Variants in NAB2 observed in about 807,000 individuals in gnomAD.
NAB2 encodes NGFI-A-binding protein 2.
NAB2 carries 9 observed loss-of-function variants against 44.2 expected under a neutral mutation model. That is an observed-to-expected ratio of 0.20 (90% CI 0.12 to 0.36). The LOEUF is 0.36. NAB2 is among the 10% of genes least tolerant of loss of function. NAB2 has a pLI of 1.00. For missense variants in NAB2, 514 were observed against 709.0 expected (o/e 0.73, Z 3.12); for synonymous variants, 342 against 291.0 (o/e 1.18, Z -1.78).
chr12:57,092,298 C>A, intron 2 of NAB2, 150 bp from the exon 3 acceptor site: 1 of 1,232,538 alleles, frequency 8.1e-7, no homozygotes, highest in Non-Finnish European at 1.1e-6. Flanking sequence ...TCTGTCTTCC[C>A]ACCTCAGAAA....
In NAB2 at chr12:57,093,394, C is replaced by T. The variant is rs745458497; in HGVS notation, c.1277-13C>T. The T allele has an allele frequency of 1.6e-5, 24 of 1,545,096 alleles. No homozygotes were observed. Among genetic ancestry groups the T allele is most frequent in the East Asian group, 2.3e-5 (1 of 43,422 alleles). On this transcript the variant is annotated splice_polypyrimidine_tract_variant and intron_variant, in intron 5 of 6. Transcript: ENST00000300131. ...GCTGCAGCCCCTTACCTGACCAGTG[C>T]CCATGCCCACAGCTGTGGGGTCATG...
chr12:57,089,605 C>G lies in NAB2; in HGVS notation c.83+251C>G, dbSNP rs1052308212. Among the ~76,000 whole-genome samples, 25 of 152,158 alleles carry G rather than the reference C, an allele frequency of 1.6e-4. No individual in the cohort carries two copies. In the South Asian group the frequency reaches 2.1e-3, roughly 13 times the overall value. On this transcript the variant is annotated intron_variant, in intron 1 of 6. Coordinates refer to ENST00000300131, the MANE Select transcript of NAB2 (RefSeq NM_005967.4). ...GGTTTACTCTGTGGGCTCCATCTGG[C>G]CTAAGAGCCCCCTGCAAAGAATGTG...
At chr12:57,089,992 T>A (rs2033149072) in intron 1 of NAB2, among the ~76,000 whole-genome samples, 1 of 152,082 alleles carries the variant, frequency 6.6e-6, no homozygotes, top group Non-Finnish European at 1.5e-5. Flanking sequence ...ACGCTACCAC[T>A]GTGGGAGTGT....
chr12:57,093,434 C>A lies in NAB2; in HGVS notation c.1304C>A (p.Pro435Gln). ...GTGGGGTCATGTCCAAGGCTGACGC[C>A]GCCCCCTGCTGACCTGCCTCTGGCA... is the stretch of plus-strand genomic sequence containing the variant. ...QAVGSCPRLT[P>Q]PPADLPLALP... Residue 435 changes from proline to glutamine, a missense_variant, in exon 6 of 7, where the codon CCG (proline) becomes CAG (glutamine). This residue lies in a region of NAB2 where 194 missense variants were observed against 223.9 expected (regional missense o/e 0.87). Transcript: ENST00000300131. 1 of 1,590,840 alleles carries A rather than the reference C, an allele frequency of 6.3e-7. No individual in the cohort carries two copies. The highest frequency in any genetic ancestry group is 8.6e-7 in the Non-Finnish European group (1 of 1,169,558).
At chr12:57,093,226 A>G (rs776725421) in intron 5 of NAB2, 31 bp downstream of exon 5, 3 of 555,066 alleles carry the variant, frequency 5.4e-6, no homozygotes, top group Admixed American at 2.2e-5. Flanking sequence ...TTTTCTCTTC[A>G]TTGAGGGTGG....
rs757954454 is a variant in NAB2, at chr12:57,091,845, A to G, written c.804A>G (p.Leu268=). 8.1e-6 allele frequency: 13 copies of G among 1,614,094 alleles called. No individual in the cohort carries two copies. Among genetic ancestry groups the G allele is most frequent in the African/African-American group, 1.3e-5 (1 of 74,928 alleles). ...ATGCTGGGGAGGTCACATCCCTGCT[A>G]AAGCTGAATAAGAAGCTGGCACGGA... The part of the protein sequence containing the change: ...RGDAGEVTSL[L]KLNKKLARSV... Residue 268 remains leucine, a synonymous_variant, in exon 2 of 7, where the codon CTA becomes CTG. Transcript: ENST00000300131. This position sits in a 1 kb window ranked among gnomAD's most constrained non-coding sequence, Gnocchi z 7.3.
intron 6 of NAB2, among the ~76,000 whole-genome samples, chr12:57,094,031 A>AGTGGGCC (rs1565674466): frequency 6.6e-6 from 1 of 150,982 alleles, no homozygotes; most frequent in East Asian, 2.0e-4. Context: ...GGGAGTGGGC[A>AGTGGGCC]GGCGGAGGGC....
At position 57,094,861 on chromosome 12, in the gene NAB2, A is replaced by T; in HGVS notation, c.*140A>T. ...CTGCCTCCCCACCTGCTCCATGGGC[A>T]TAAGACTGTGGGGCTTCAAGCAATA... On this transcript the variant is annotated 3_prime_UTR_variant, in exon 7 of 7. Coordinates refer to ENST00000300131, the MANE Select transcript of NAB2 (RefSeq NM_005967.4). 1 of 673,674 alleles carries T rather than the reference A, an allele frequency of 1.5e-6. No homozygotes were observed. 41.7% of individuals were successfully genotyped at this position (673,674 alleles called of 1,614,324 possible).
chr12:57,093,964 CA>C (rs2033264737), intron 6 of NAB2, among the ~76,000 whole-genome samples: 2 of 152,030 alleles, frequency 1.3e-5, no homozygotes, highest in Non-Finnish European at 2.9e-5. Context: ...TGGGGATGCC[CA>C]GCTTGGAAGC....
Position 57,093,541 on chromosome 12 carries a change from T to A in NAB2, c.1411T>A (p.Ser471Thr), listed in dbSNP as rs995005854. ...DEGLRLARLV[S>T]HDRVGRLSPC... ...GGGGCTGCGGCTCGCCCGCCTCGTC[T>A]CCCACGACCGCGTGGGCCGCCTCAG... The change falls in exon 6 of 7, where the codon TCC (serine) becomes ACC (threonine). Residue 471 changes from serine to threonine, a missense_variant. This residue lies in a region of NAB2 where 194 missense variants were observed against 223.9 expected (regional missense o/e 0.87). Transcript: ENST00000300131. The A allele has an allele frequency of 1.9e-6, 3 of 1,553,644 alleles. No homozygotes were observed. Among genetic ancestry groups the A allele is most frequent in the Non-Finnish European group, 1.7e-6 (2 of 1,150,410 alleles).
At chr12:57,090,694 A>G (rs1057065033) in intron 1 of NAB2, among the ~76,000 whole-genome samples, 1 of 152,162 alleles carries the variant, frequency 6.6e-6, no homozygotes, top group Non-Finnish European at 1.5e-5. Context: ...TCACTTTAGT[A>G]TGGGTGACTT....
chr12:57,091,801 C>A lies in NAB2; in HGVS notation c.760C>A (p.Arg254=), dbSNP rs200672078. 1.9e-6 allele frequency: 3 copies of A among 1,614,124 alleles called. No homozygotes were observed. Among genetic ancestry groups the A allele is most frequent in the Non-Finnish European group, 2.5e-6 (3 of 1,179,984 alleles). The change falls in exon 2 of 7, where the codon CGG becomes AGG. Residue 254 remains arginine (R), a synonymous_variant. Coordinates refer to ENST00000300131, the MANE Select transcript of NAB2 (RefSeq NM_005967.4). The surrounding 1 kb of genome is among the most constrained non-coding windows in gnomAD (Gnocchi z 7.3). ...GGTGGAAAGTGTGGAGAGGATCTTC[C>A]GGAGCTTCCCAAGGGGGGATGCTGG... ...MVVESVERIF[R]SFPRGDAGEV...
At position 57,091,524 on chromosome 12, in the gene NAB2, G is replaced by C. The variant is rs756174711; in HGVS notation, c.483G>C (p.Lys161Asn). 2 of 1,613,452 alleles carry C rather than the reference G, an allele frequency of 1.2e-6. No individual in the cohort carries two copies. The highest frequency in any genetic ancestry group is 1.7e-6 in the Non-Finnish European group (2 of 1,179,810). The change falls in exon 2 of 7, where the codon AAG becomes AAC. Residue 161 changes from lysine to asparagine, a missense_variant. Around this residue, in one of 5 missense-constraint regions of NAB2, gnomAD observed 177 missense variants for 200.5 expected, o/e 0.88. Coordinates refer to ENST00000300131, the MANE Select transcript of NAB2 (RefSeq NM_005967.4). The surrounding 1 kb of genome is among the most constrained non-coding windows in gnomAD (Gnocchi z 7.3). ...GCAGTGCCCGCAGTTTTAGCCCCAA[G>C]AGCCCCCTTGAACTTGGAGAGAAGC... ...KAGSARSFSPKSPLELGEKLS... is the reference protein window; with the variant it reads ...KAGSARSFSPNSPLELGEKLS...
At chr12:57,094,153 C>T (rs1195145471) in intron 6 of NAB2, among the ~76,000 whole-genome samples, 3 of 151,002 alleles carry the variant, frequency 2.0e-5, no homozygotes, top group African/African-American at 4.9e-5. Flanking sequence ...AAGGGGGGCT[C>T]TTCTTGAGGG....
At position 57,093,142 on chromosome 12, in the gene NAB2, TGGA is replaced by T. The variant is rs1431736910; in HGVS notation, c.1230_1232del (p.Glu410del). ...TATGTACCCCCATACCGCCCCAGCCTGGAGGAGGACAGCGCCAGCCTGTCTGGG... is the reference window on the plus strand; with the variant it reads ...TATGTACCCCCATACCGCCCCAGCCTGGAGGACAGCGCCAGCCTGTCTGGG... On this transcript the variant is annotated inframe_deletion, in exon 5 of 7. Transcript: ENST00000300131. 6.2e-7 allele frequency: 1 copy of T among 1,613,242 alleles called. No individual in the cohort carries two copies. The highest frequency in any genetic ancestry group is 8.5e-7 in the Non-Finnish European group (1 of 1,179,736).
intron 6 of NAB2, 125 bp downstream of exon 6, chr12:57,093,723 C>G: frequency 9.3e-7 from 1 of 1,079,884 alleles, no homozygotes; most frequent in Non-Finnish European, 1.3e-6. Context: ...AGTAGGATGG[C>G]TGGGCTCCAG....
rs764509127 is a variant in NAB2, at chr12:57,094,838, G to A, written c.*117G>A. Reference sequence around the variant, plus strand: ...TGGATCCTTCCTCTGCCCTTCTCCTGCCTCCCCACCTGCTCCATGGGCATA... The same window carrying A: ...TGGATCCTTCCTCTGCCCTTCTCCTACCTCCCCACCTGCTCCATGGGCATA... On this transcript the variant is annotated 3_prime_UTR_variant, in exon 7 of 7. Coordinates refer to ENST00000300131, the MANE Select transcript of NAB2 (RefSeq NM_005967.4). 52 of 802,582 alleles carry A rather than the reference G, an allele frequency of 6.5e-5. No homozygotes were observed. Among genetic ancestry groups the A allele is most frequent in the African/African-American group, 1.4e-4 (8 of 58,062 alleles). The allele number at this position is 802,582 out of a possible 1,614,324, so 49.7% of individuals were successfully genotyped here. A position where few individuals can be genotyped will look rare whatever the true frequency, so the allele number is the denominator to read the frequency against.
intron 6 of NAB2, among the ~76,000 whole-genome samples, chr12:57,094,016 G>T (rs1407268823): frequency 6.6e-6 from 1 of 152,004 alleles, no homozygotes; most frequent in Non-Finnish European, 1.5e-5. Flanking sequence ...GTGGAAGGGG[G>T]AAGAGGGAGT....
At chr12:57,092,103 C>T in intron 2 of NAB2, 105 bp downstream of exon 2, 1 of 1,462,032 alleles carries the variant, frequency 6.8e-7, no homozygotes, top group Non-Finnish European at 9.0e-7. Flanking sequence ...TATCTCTTGA[C>T]CAGGACCCCA....
Sources: allele counts gnomAD v4.1 joint callset (sites outside exome capture counted in the v4.1 genomes callset), GRCh38; gene constraint gnomAD v4.1.1; regional missense constraint gnomAD v4.1.1; non-coding constraint Gnocchi (gnomAD v3.1); transcripts MANE v1.5; gene names NCBI Gene and HGNC (gene_info 2026-07-23, HGNC 2026-07-21).